DNAH10: variants seen among roughly 807,000 people sequenced by gnomAD.
DNAH10 encodes axonemal beta dynein heavy chain 10.
A neutral mutation model predicts 506.6 loss-of-function variants in DNAH10; 348 were observed. The observed-to-expected ratio is 0.69, with a 90% confidence interval of 0.63 to 0.75. The LOEUF (loss-of-function observed/expected upper bound fraction) is 0.75, where lower values mean the gene tolerates loss of function less well. Ranked by LOEUF, DNAH10 falls within the 30% of genes least tolerant of loss-of-function variation. The pLI is 0.00. For synonymous variants in DNAH10, 2,059 were observed against 2,198.6 expected (o/e 0.94, Z 1.78); for missense variants, 5,179 against 5,787.1 (o/e 0.89, Z 3.41).
intron 57 of DNAH10, chr12:123,908,286 G>T (rs1462829057): frequency 2.2e-6 from 1 of 453,794 alleles, no homozygotes; most frequent in Non-Finnish European, 4.4e-6. Context: ...TCTTGTGCAT[G>T]TGTCTCCCCC....
chr12:123,893,553 G>T, intron 53 of DNAH10, 117 bp downstream of exon 53: 1 of 1,187,268 alleles, frequency 8.4e-7, no homozygotes, highest in Non-Finnish European at 1.2e-6. Context: ...ACGGCCATTA[G>T]GTGGAAATGT....
In DNAH10 at chr12:123,877,515, C is replaced by A. The variant is rs546296821; in HGVS notation, c.8200-221C>A. Among the ~76,000 whole-genome samples the A allele has an allele frequency of 8.8e-4, 134 of 152,214 alleles. 7 individuals are homozygous for A. The South Asian group carries it at 0.019, about 22-fold the overall frequency. ...TATTTTAATAGAGATGGGGTTTCAC[C>A]GTGTTGGTCAGGCTGGTCTTCAACT... On this transcript the variant is annotated intron_variant, in intron 47 of 78. Transcript: ENST00000673944.
intron 36 of DNAH10, among the ~76,000 whole-genome samples, chr12:123,856,489 G>T (rs919894994): frequency 6.7e-6 from 1 of 149,672 alleles, no homozygotes; most frequent in Non-Finnish European, 1.5e-5. Context: ...GGCACCTGCC[G>T]CCACACCCAG....
intron 42 of DNAH10, 84 bp downstream of exon 42, chr12:123,867,685 G>A (rs916531093): frequency 1.2e-4 from 185 of 1,566,438 alleles, no homozygotes; most frequent in Admixed American, 4.7e-4. Flanking sequence ...GAGTGAAGAT[G>A]CCAGACAGGG....
chr12:123,867,778 T>C lies in DNAH10; in HGVS notation c.7303-125T>C, dbSNP rs1257046601. ...GTCAAGATACTGGGTTCCATCTGTC[T>C]GAACCAACATGTTGGGTCTTATGCT... On this transcript the variant is annotated intron_variant, in intron 42 of 78. Coordinates refer to ENST00000673944, the MANE Select transcript of DNAH10 (RefSeq NM_001372106.1). 6 of 1,327,376 alleles carry C rather than the reference T, an allele frequency of 4.5e-6. No individual in the cohort carries two copies. The Admixed American group carries it at 1.4e-4, about 31-fold the overall frequency. The allele number at this position is 1,327,376 out of a possible 1,614,324, so 82.2% of individuals were successfully genotyped here.
rs779644161 is a variant in DNAH10 at position 123,833,225 on chromosome 12, C to G, written c.4657C>G (p.Gln1553Glu). 1 of 1,613,876 alleles carries G rather than the reference C, an allele frequency of 6.2e-7. No individual in the cohort carries two copies. The highest frequency in any genetic ancestry group is 2.2e-5 in the East Asian group (1 of 44,890). The change falls in exon 27 of 79, where the codon CAG (glutamine) becomes GAG (glutamate). Residue 1553 changes from glutamine to glutamate, a missense_variant. Around this residue, in one of 3 missense-constraint regions of DNAH10, gnomAD observed 4,844 missense variants for 5,430.5 expected, o/e 0.89. Transcript: ENST00000673944. ...YILGSVDEII[Q>E]SLDDNTFNLQ... is the part of the protein sequence containing the mutation. ...CCTGGGTTCTGTTGACGAAATTATT[C>G]AGTCTCTTGATGACAACACTTTCAA...
In DNAH10 at chr12:123,793,923, T is replaced by C; in HGVS notation, c.1816-19T>C. The C allele has an allele frequency of 8.3e-7, 1 of 1,201,262 alleles. No individual in the cohort carries two copies. Among genetic ancestry groups the C allele is most frequent in the Non-Finnish European group, 1.1e-6 (1 of 938,036 alleles). The allele number at this position is 1,201,262 out of a possible 1,614,324, so 74.4% of individuals were successfully genotyped here. A position where few individuals can be genotyped will look rare whatever the true frequency, so the allele number is the denominator to read the frequency against. ...ATAATTACAGGGGCATGAGGGTTGT[T>C]TTGTTGATTTTTTTGCAGGTTATTG... On this transcript the variant is annotated intron_variant, in intron 11 of 78. Coordinates refer to ENST00000673944, the MANE Select transcript of DNAH10 (RefSeq NM_001372106.1).
chr12:123,840,834 A>G (rs976409370), intron 29 of DNAH10, among the ~76,000 whole-genome samples: 2 of 152,164 alleles, frequency 1.3e-5, no homozygotes, highest in Non-Finnish European at 2.9e-5. Context: ...CATTTGACTC[A>G]GATTGTTTCA....
intron 44 of DNAH10, among the ~76,000 whole-genome samples, chr12:123,871,108 C>T (rs1952014098): frequency 6.6e-6 from 1 of 152,180 alleles, no homozygotes; most frequent in Non-Finnish European, 1.5e-5. Context: ...TGTGGCTTCA[C>T]TGTCTCTTCG....
intron 64 of DNAH10, 116 bp from the exon 65 acceptor site, chr12:123,918,560 G>C: frequency 7.7e-7 from 1 of 1,305,376 alleles, no homozygotes; most frequent in Middle Eastern, 2.1e-4. Flanking sequence ...GCAGTCCCTG[G>C]ATACTTTCAA....
intron 18 of DNAH10, 91 bp downstream of exon 18, chr12:123,805,131 G>T: frequency 7.4e-7 from 1 of 1,359,604 alleles, no homozygotes; most frequent in East Asian, 2.5e-5. Flanking sequence ...GCAAGGTAGA[G>T]AATGAAAATC....
chr12:123,928,186 C>T lies in DNAH10; in HGVS notation c.12106-201C>T, dbSNP rs1456317188. On this transcript the variant is annotated intron_variant, in intron 69 of 78. Coordinates refer to ENST00000673944, the MANE Select transcript of DNAH10 (RefSeq NM_001372106.1). This position sits in a 1 kb window ranked among gnomAD's most constrained non-coding sequence, Gnocchi z 4.9. ...CATCTTCCAGGCTGGGTGTGACCAG[C>T]TCAGTGCACCCACGGGGCCCATGGG... is the stretch of plus-strand genomic sequence containing the variant. 3.2e-6 allele frequency: 2 copies of T among 630,398 alleles called. No homozygotes were observed. The highest frequency in any genetic ancestry group is 5.5e-6 in the Non-Finnish European group (2 of 364,458). 39.1% of individuals were successfully genotyped at this position (630,398 alleles called of 1,614,324 possible).
At chr12:123,887,758 T>C (rs1230829398) in intron 52 of DNAH10, among the ~76,000 whole-genome samples, 2 of 151,916 alleles carry the variant, frequency 1.3e-5, no homozygotes, top group Non-Finnish European at 2.9e-5. Context: ...TTTCTTTTTT[T>C]TTTTTAGATA....
chr12:123,858,882 C>T (rs1180044698), intron 37 of DNAH10, among the ~76,000 whole-genome samples: 1 of 152,056 alleles, frequency 6.6e-6, no homozygotes, highest in Non-Finnish European at 1.5e-5. Context: ...ATACGCAAAT[C>T]CGTAGAGACA....
At chr12:123,867,339 C>A in intron 41 of DNAH10, 128 bp from the exon 42 acceptor site, 1 of 1,047,460 alleles carries the variant, frequency 9.5e-7, no homozygotes, top group Non-Finnish European at 1.4e-6. Flanking sequence ...TCAGGATTTC[C>A]TCACCTGCCA....
intron 26 of DNAH10, among the ~76,000 whole-genome samples, chr12:123,831,720 G>A (rs1320034347): frequency 1.3e-5 from 2 of 151,946 alleles, no homozygotes; most frequent in Non-Finnish European, 2.9e-5. Flanking sequence ...GTGAAACCCC[G>A]TCTCTACTAA....
chr12:123,872,562 C>A (rs1328297922), intron 45 of DNAH10, among the ~76,000 whole-genome samples: 5 of 152,128 alleles, frequency 3.3e-5, no homozygotes, highest in Admixed American at 6.5e-5. Flanking sequence ...GGGTGCCCTA[C>A]GTGGAGAGAG....
Position 123,785,655 on chromosome 12 carries a change from G to C in DNAH10, c.1231-91G>C. On this transcript the variant is annotated intron_variant, in intron 8 of 78. Transcript: ENST00000673944. This position sits in a 1 kb window ranked among gnomAD's most constrained non-coding sequence, Gnocchi z 4.1. The stretch of plus-strand genomic sequence containing the variant: ...CTCAAGGAAAAAAAAAAAAAAAAAA[G>C]AGTGAAACTTCTTGCATGCTTACTG... 1 of 806,470 alleles carries C rather than the reference G, an allele frequency of 1.2e-6. No homozygotes were observed. The allele number at this position is 806,470 out of a possible 1,614,324, so 50.0% of individuals were successfully genotyped here. A position where few individuals can be genotyped will look rare whatever the true frequency, so the allele number is the denominator to read the frequency against.
In DNAH10 at chr12:123,917,624, G is replaced by A. The variant is rs557960783; in HGVS notation, c.11043G>A (p.Leu3681=). 4.5e-6 allele frequency: 7 copies of A among 1,551,584 alleles called. No homozygotes were observed. The highest frequency in any genetic ancestry group is 6.1e-6 in the Non-Finnish European group (7 of 1,147,054). The part of the protein sequence containing the change: ...KGLEDQLLSV[L]VAYERRELEE... ...TGGAGGACCAGCTGCTGAGCGTGCT[G>A]GTGGCTTACGAGAGGCGGGAGCTGG... The change falls in exon 64 of 79, where the codon CTG becomes CTA. Residue 3681 remains leucine, a synonymous_variant. Coordinates refer to ENST00000673944, the MANE Select transcript of DNAH10 (RefSeq NM_001372106.1). The surrounding 1 kb of genome is among the most constrained non-coding windows in gnomAD (Gnocchi z 5.6).
Sources: gnomAD v4.1 joint callset for allele counts (sites outside exome capture counted in the v4.1 genomes callset) on GRCh38, gnomAD v4.1.1 for gene constraint, gnomAD v4.1.1 regional missense constraint, Gnocchi (gnomAD v3.1) non-coding constraint, MANE v1.5 for transcripts, NCBI Gene and HGNC (gene_info 2026-07-23, HGNC 2026-07-21) for gene names.